The following SLC9A2 variants were observed in gnomAD, a reference collection of about 807,000 sequenced individuals.
SLC9A2 encodes sodium/hydrogen exchanger 2.
In SLC9A2, 42 loss-of-function variants were observed where a neutral mutation model predicts 71.7. The observed-to-expected ratio is 0.59, with a 90% CI of 0.46 to 0.76. The LOEUF is 0.76. Among genes scored for constraint, SLC9A2 ranks in the 30% least tolerant of loss-of-function variants. The pLI is 0.00. For synonymous variants in SLC9A2, 396 were observed against 392.5 expected (o/e 1.01, Z -0.10); for missense variants, 829 against 1,017.4 (o/e 0.81, Z 2.52).
intron 3 of SLC9A2, among the ~76,000 whole-genome samples, chr2:102,665,856 T>C (rs1318000660): frequency 1.3e-5 from 2 of 149,936 alleles, no homozygotes; most frequent in South Asian, 2.2e-4. Context: ...GCAAAACTTA[T>C]GCTACCATGA....
intron 11 of SLC9A2, among the ~76,000 whole-genome samples, chr2:102,706,444 AGG>A (rs1431393788): frequency 6.6e-6 from 1 of 151,600 alleles, no homozygotes; most frequent in Non-Finnish European, 1.5e-5. Context: ...GGGAGTGGGG[AGG>A]GATAGCATTA....
At chr2:102,658,190 G>A (rs753282226) in intron 2 of SLC9A2, among the ~76,000 whole-genome samples, 163 bp downstream of exon 2, 34 of 152,100 alleles carry the variant, frequency 2.2e-4, no homozygotes, top group Non-Finnish European at 4.0e-4. Context: ...TGACATCACT[G>A]TCTTATAATT....
chr2:102,641,736 T>C (rs186794183), intron 1 of SLC9A2, among the ~76,000 whole-genome samples: 2 of 152,078 alleles, frequency 1.3e-5, no homozygotes, highest in Non-Finnish European at 2.9e-5. Context: ...GGGATATTGC[T>C]GTGTCCTTAG....
intron 5 of SLC9A2, among the ~76,000 whole-genome samples, chr2:102,691,795 G>A (rs1040198491): frequency 6.6e-6 from 1 of 152,166 alleles, no homozygotes; most frequent in African/African-American, 2.4e-5. Context: ...ATTTATTTAT[G>A]GTAGCGCATT....
rs772555704 is a variant in SLC9A2, at chr2:102,694,498, T to A, written c.1510T>A (p.Cys504Ser). ...KQQAVSEEIY[C>S]RLFDHVKTGI... is the part of the protein sequence containing the mutation. Reference sequence around the variant, plus strand: ...ACAAGCTGTCAGTGAAGAAATCTATTGTCGGGTAGGTGTTAAGAGAGTGTA... The same window carrying A: ...ACAAGCTGTCAGTGAAGAAATCTATAGTCGGGTAGGTGTTAAGAGAGTGTA... The change falls in exon 6 of 12, where the codon TGT becomes AGT. Residue 504 changes from cysteine to serine, a missense_variant. Coordinates refer to ENST00000233969, the MANE Select transcript of SLC9A2 (RefSeq NM_003048.6). The A allele has an allele frequency of 4.0e-6, 6 of 1,513,958 alleles. No homozygotes were observed. The South Asian group carries it at 7.8e-5, about 20-fold the overall frequency. 93.8% of individuals were successfully genotyped at this position (1,513,958 alleles called of 1,614,324 possible). A position where few individuals can be genotyped will look rare whatever the true frequency, so the allele number is the denominator to read the frequency against.
At chr2:102,647,045 T>G (rs555722747) in intron 1 of SLC9A2, among the ~76,000 whole-genome samples, 102 of 152,226 alleles carry the variant, frequency 6.7e-4, no homozygotes, top group Middle Eastern at 3.4e-3. Flanking sequence ...ATTCTAAAAT[T>G]GACCACCAAA....
Position 102,708,195 on chromosome 2 carries a change from G to T in SLC9A2, c.2145G>T (p.Leu715Phe), listed in dbSNP as rs755681168. The T allele has an allele frequency of 5.0e-6, 8 of 1,614,016 alleles. No individual in the cohort carries two copies. The highest frequency in any genetic ancestry group is 2.2e-5 in the South Asian group (2 of 91,074). ...TGCAGCCCAGAGCCAGGCGCTTCTT[G>T]CCAGAACAGTTCTCCAAGAAATCCC... ...LNLQPRARRF[L>F]PEQFSKKSPQ... Residue 715 changes from leucine to phenylalanine, a missense_variant, in exon 12 of 12, where the codon TTG becomes TTT. Physicochemically the swap from Leu to Phe is conservative, Grantham distance 22. This residue lies in a region of SLC9A2 where 223 missense variants were observed against 197.5 expected (regional missense o/e 1.13). Transcript: ENST00000233969.
intron 1 of SLC9A2, among the ~76,000 whole-genome samples, chr2:102,639,380 G>T (rs1374070249): frequency 6.6e-6 from 1 of 152,036 alleles, no homozygotes; most frequent in African/African-American, 2.4e-5. Flanking sequence ...TCTTATTTTT[G>T]AACAGCCCAG....
In SLC9A2 at chr2:102,710,125, TA is replaced by T. The variant is rs1319180857; in HGVS notation, c.*1637del. The stretch of plus-strand genomic sequence containing the variant: ...GTTAGATACACAAGGTACAAGTTCA[TA>T]GGAGCACAATTCCTTGATTCAGGGA... On this transcript the variant is annotated 3_prime_UTR_variant, in exon 12 of 12. Transcript: ENST00000233969. The T allele has an allele frequency of 6.5e-6, 1 of 152,764 alleles. No homozygotes were observed. Among genetic ancestry groups the T allele is most frequent in the Non-Finnish European group, 1.5e-5 (1 of 68,036 alleles). The allele number at this position is 152,764 out of a possible 1,614,324, so 9.5% of individuals were successfully genotyped here.
At position 102,708,802 on chromosome 2, in the gene SLC9A2, T is replaced by G. The variant is rs1678039003; in HGVS notation, c.*313T>G. ...AGAACTTGAAATTTTTAACACATCC[T>G]TCTTGGTGAAGATTTTAATATATTA... On this transcript the variant is annotated 3_prime_UTR_variant, in exon 12 of 12. Coordinates refer to ENST00000233969, the MANE Select transcript of SLC9A2 (RefSeq NM_003048.6). 3 of 289,190 alleles carry G rather than the reference T, an allele frequency of 1.0e-5. No individual in the cohort carries two copies. The highest frequency in any genetic ancestry group is 1.9e-5 in the Non-Finnish European group (3 of 155,214). 17.9% of individuals were successfully genotyped at this position (289,190 alleles called of 1,614,324 possible).
chr2:102,633,401 T>G (rs1037254007), intron 1 of SLC9A2, among the ~76,000 whole-genome samples: 1 of 152,138 alleles, frequency 6.6e-6, no homozygotes, highest in Admixed American at 6.5e-5. Context: ...CAGCACACTT[T>G]ACCCACTCTT....
chr2:102,691,068 G>A (rs10177115), intron 5 of SLC9A2, among the ~76,000 whole-genome samples: 76,078 of 151,780 alleles, frequency 0.5, 19,433 homozygotes, highest in African/African-American at 0.6. Context: ...ATAAATGGGA[G>A]CTGGGGGATG....
At chr2:102,673,819 C>T (rs1021869290) in intron 3 of SLC9A2, among the ~76,000 whole-genome samples, 2 of 149,880 alleles carry the variant, frequency 1.3e-5, no homozygotes, top group African/African-American at 4.9e-5. Context: ...CCGAGTCTCA[C>T]TCTGTCGCCC....
At chr2:102,637,541 C>T (rs758176256) in intron 1 of SLC9A2, among the ~76,000 whole-genome samples, 43 of 152,126 alleles carry the variant, frequency 2.8e-4, no homozygotes, top group South Asian at 4.1e-4. Flanking sequence ...TCAAATCCTG[C>T]GCCCAACCCT....
At chr2:102,692,210 G>A (rs1005802437) in intron 5 of SLC9A2, among the ~76,000 whole-genome samples, 1 of 152,140 alleles carries the variant, frequency 6.6e-6, no homozygotes, top group African/African-American at 2.4e-5. Flanking sequence ...TAGAACACAA[G>A]ATGTGTTTTA....
intron 3 of SLC9A2, among the ~76,000 whole-genome samples, chr2:102,678,976 T>C (rs1677396299): frequency 6.6e-6 from 1 of 152,194 alleles, no homozygotes; most frequent in African/African-American, 2.4e-5. Context: ...TGACTTCAGG[T>C]CAGAGTACAC....
At chr2:102,701,035 C>T in intron 7 of SLC9A2, 35 bp from the exon 8 acceptor site, 1 of 1,405,388 alleles carries the variant, frequency 7.1e-7, no homozygotes, top group Non-Finnish European at 9.8e-7. Context: ...TTAGTCAATC[C>T]AGTATTAATT....
At chr2:102,648,399 C>G (rs957393664) in intron 1 of SLC9A2, among the ~76,000 whole-genome samples, 1 of 152,122 alleles carries the variant, frequency 6.6e-6, no homozygotes, top group Non-Finnish European at 1.5e-5. Context: ...CTGAAAGGGT[C>G]AAAATCTAGA....
At position 102,695,214 on chromosome 2, in the gene SLC9A2, T is replaced by G. The variant is rs569085901; in HGVS notation, c.1586+101T>G. 258 of 833,954 alleles carry G rather than the reference T, an allele frequency of 3.1e-4. 3 individuals are homozygous for G. In the South Asian group the frequency reaches 4.0e-3, roughly 13 times the overall value. The allele number at this position is 833,954 out of a possible 1,614,324, so 51.7% of individuals were successfully genotyped here. On this transcript the variant is annotated intron_variant, in intron 7 of 11. Coordinates refer to ENST00000233969, the MANE Select transcript of SLC9A2 (RefSeq NM_003048.6). ...ATTTTTTAATTGGAAATCTTTCCTGTGTTGTACCATAGTATGTCCTCTAAG... is the reference window on the plus strand; with the variant it reads ...ATTTTTTAATTGGAAATCTTTCCTGGGTTGTACCATAGTATGTCCTCTAAG...
Sources: allele counts gnomAD v4.1 joint callset (sites outside exome capture counted in the v4.1 genomes callset), GRCh38; gene constraint gnomAD v4.1.1; regional missense constraint gnomAD v4.1.1; transcripts MANE v1.5; gene names NCBI Gene and HGNC (gene_info 2026-07-23, HGNC 2026-07-21).